The following GPC6 variants were observed in gnomAD, a reference collection of about 807,000 sequenced individuals.
The protein encoded by GPC6 is glypican-6.
Under a neutral mutation model 55.2 loss-of-function variants are expected in GPC6, and 14 were observed. The ratio of observed to expected loss-of-function variants is 0.25; its 90% CI spans 0.17 to 0.40. GPC6 has a LOEUF of 0.40. Ranked by LOEUF, GPC6 falls within the 10% of genes least tolerant of loss-of-function variation. The probability of loss-of-function intolerance (pLI) is 1.00; values close to 1 mark genes in which losing one functional copy is unlikely to be tolerated. For synonymous variants in GPC6, 278 were observed against 259.6 expected, an observed-to-expected ratio of 1.07 and a Z score of -0.68; for missense variants, 641 against 708.5, an observed-to-expected ratio of 0.90 and a Z score of 1.08.
chr13:93,790,328 C>A (rs1006607772), intron 2 of GPC6, among the ~76,000 whole-genome samples: 2 of 152,080 alleles, frequency 1.3e-5, no homozygotes, highest in African/African-American at 4.8e-5. Flanking sequence ...GCATAAAATT[C>A]TTGGTTAATT....
At chr13:93,890,187 A>T (rs942423724) in intron 3 of GPC6, among the ~76,000 whole-genome samples, 1 of 152,092 alleles carries the variant, frequency 6.6e-6, no homozygotes, top group Non-Finnish European at 1.5e-5. Flanking sequence ...TTCTATGCCA[A>T]CAGTAGATTA....
chr13:93,345,372 T>C (rs974753191), intron 1 of GPC6, among the ~76,000 whole-genome samples: 1 of 152,126 alleles, frequency 6.6e-6, no homozygotes, highest in Non-Finnish European at 1.5e-5. Flanking sequence ...ATTTTTGTTG[T>C]TGATGATATC....
intron 2 of GPC6, among the ~76,000 whole-genome samples, chr13:93,791,112 T>A (rs565818452): frequency 1.3e-5 from 2 of 152,150 alleles, no homozygotes; most frequent in Non-Finnish European, 2.9e-5. Flanking sequence ...GTTCTGTACA[T>A]AGTGATTCAT....
chr13:93,481,148 T>C (rs541094555), intron 1 of GPC6, among the ~76,000 whole-genome samples: 3 of 152,284 alleles, frequency 2.0e-5, no homozygotes, highest in African/African-American at 7.2e-5. Flanking sequence ...CGTAAAGTGG[T>C]ATCTCATTGT....
intron 4 of GPC6, among the ~76,000 whole-genome samples, chr13:94,185,461 GAC>G (rs1257926547): frequency 6.6e-6 from 1 of 151,724 alleles, no homozygotes; most frequent in East Asian, 1.9e-4. Flanking sequence ...CGTGTACATA[GAC>G]ACATTATTTT....
At chr13:93,876,464 T>C (rs1469081270) in intron 3 of GPC6, among the ~76,000 whole-genome samples, 1 of 152,098 alleles carries the variant, frequency 6.6e-6, no homozygotes, top group Non-Finnish European at 1.5e-5. Context: ...CACTGTTCTA[T>C]GACCTGGTTT....
intron 4 of GPC6, among the ~76,000 whole-genome samples, chr13:94,256,336 A>G (rs1891503385): frequency 6.6e-6 from 1 of 152,198 alleles, no homozygotes; most frequent in Non-Finnish European, 1.5e-5. Context: ...CTGGAGCAGA[A>G]TGAGGGGACC....
intron 4 of GPC6, among the ~76,000 whole-genome samples, chr13:94,151,449 C>A (rs572704352): frequency 6.6e-6 from 1 of 152,290 alleles, no homozygotes; most frequent in South Asian, 2.1e-4. Context: ...CCCTCTGTGG[C>A]TTCTCTTGTA....
At chr13:93,832,598 G>A (rs1483779462) in intron 3 of GPC6, among the ~76,000 whole-genome samples, 1 of 152,122 alleles carries the variant, frequency 6.6e-6, no homozygotes, top group African/African-American at 2.4e-5. Flanking sequence ...CTAGCAAAGT[G>A]TCTACAAAGC....
intron 1 of GPC6, among the ~76,000 whole-genome samples, chr13:93,334,736 C>T (rs189417215): frequency 4.2e-4 from 64 of 152,236 alleles, no homozygotes; most frequent in African/African-American, 1.5e-3. Context: ...CAAAGTGTTG[C>T]GATTGCAGGC....
intron 4 of GPC6, among the ~76,000 whole-genome samples, chr13:94,190,086 G>A (rs1889337809): frequency 6.6e-6 from 1 of 151,840 alleles, no homozygotes; most frequent in Non-Finnish European, 1.5e-5. Flanking sequence ...CACTTTGGGA[G>A]GCCAAGGGGG....
chr13:94,006,407 C>T (rs1882022334), intron 3 of GPC6, among the ~76,000 whole-genome samples: 1 of 152,140 alleles, frequency 6.6e-6, no homozygotes, highest in Non-Finnish European at 1.5e-5. Flanking sequence ...AGACCCGAGG[C>T]TTATACAGCT....
rs143963820 is a variant in GPC6 at position 93,990,969 on chromosome 13, G to A, written c.712-36760G>A. 2.2e-3 allele frequency among the ~76,000 whole-genome samples: 332 copies of A among 151,574 alleles called. 1 individual carries two copies. The highest frequency in any genetic ancestry group is 7.7e-3 in the African/African-American group (319 of 41,272). ...GGAAGGAAGGAAGGAAAGAAGGAAGGAAGGAAGGAAGGAAGGAAGTTAGTT... is the reference window on the plus strand; with the variant it reads ...GGAAGGAAGGAAGGAAAGAAGGAAGAAAGGAAGGAAGGAAGGAAGTTAGTT... On this transcript the variant is annotated intron_variant, in intron 3 of 8. Transcript: ENST00000377047.
At chr13:94,377,684 T>C (rs1879949380) in intron 6 of GPC6, among the ~76,000 whole-genome samples, 1 of 152,048 alleles carries the variant, frequency 6.6e-6, no homozygotes, top group African/African-American at 2.4e-5. Flanking sequence ...GACCCAGCCA[T>C]CCCATTACTG....
chr13:94,340,322 A>G (rs1877965331), intron 6 of GPC6, among the ~76,000 whole-genome samples: 1 of 152,106 alleles, frequency 6.6e-6, no homozygotes. Flanking sequence ...CCTCTGAAGA[A>G]CATTCCCAAA....
chr13:93,765,088 C>T (rs142657147), intron 2 of GPC6, among the ~76,000 whole-genome samples: 89 of 152,222 alleles, frequency 5.8e-4, no homozygotes, highest in East Asian at 3.1e-3. Flanking sequence ...CGTGAGCCAC[C>T]GGGCATGCCC....
At chr13:93,482,651 C>CA (rs1429853884) in intron 1 of GPC6, among the ~76,000 whole-genome samples, 2 of 151,910 alleles carry the variant, frequency 1.3e-5, no homozygotes, top group Non-Finnish European at 2.9e-5. Flanking sequence ...GAATAGAAGG[C>CA]AAAACCACAG....
intron 2 of GPC6, among the ~76,000 whole-genome samples, chr13:93,741,120 T>C: frequency 7.3e-6 from 1 of 137,858 alleles, no homozygotes; most frequent in Non-Finnish European, 1.6e-5. Flanking sequence ...CCAGAATCTT[T>C]TTTTTTTTTT....
At chr13:93,371,516 C>A (rs1175068330) in intron 1 of GPC6, among the ~76,000 whole-genome samples, 1 of 152,028 alleles carries the variant, frequency 6.6e-6, no homozygotes, top group Non-Finnish European at 1.5e-5. Context: ...ATAATTCGAC[C>A]TAGCAATGGA....
Sources: gnomAD v4.1 joint callset for allele counts (sites outside exome capture counted in the v4.1 genomes callset) on GRCh38, gnomAD v4.1.1 for gene constraint, MANE v1.5 for transcripts, NCBI Gene and HGNC (gene_info 2026-07-23, HGNC 2026-07-21) for gene names.